DIAPH1: variants seen among roughly 807,000 people sequenced by gnomAD.
DIAPH1 encodes protein diaphanous homolog 1.
In DIAPH1, 46 loss-of-function variants were observed where a neutral mutation model predicts 140.7. The ratio of observed to expected loss-of-function variants is 0.33; its 90% CI spans 0.26 to 0.42. The LOEUF is 0.42. Among genes scored for constraint, DIAPH1 ranks in the 10% least tolerant of loss-of-function variants. The pLI, the probability that DIAPH1 is intolerant of heterozygous loss-of-function variation, is 1.00. For missense variants in DIAPH1, 1,310 were observed against 1,558.7 expected (o/e 0.84, Z 2.69); for synonymous variants, 565 against 551.6 (o/e 1.02, Z -0.34).
At chr5:141,559,765 G>A (rs1475940793) in intron 18 of DIAPH1, among the ~76,000 whole-genome samples, 1 of 152,174 alleles carries the variant, frequency 6.6e-6, no homozygotes, top group Non-Finnish European at 1.5e-5. Flanking sequence ...AAGGACTCAG[G>A]TATGTCAGCA....
chr5:141,571,779 C>CT, intron 17 of DIAPH1, 147 bp downstream of exon 17: 1 of 749,738 alleles, frequency 1.3e-6, no homozygotes, highest in Non-Finnish European at 2.4e-6. Context: ...AACATCTTTT[C>CT]TTTCTTTTGA....
intron 18 of DIAPH1, among the ~76,000 whole-genome samples, chr5:141,539,320 T>A (rs959085703): frequency 6.6e-6 from 1 of 151,366 alleles, no homozygotes; most frequent in Non-Finnish European, 1.5e-5. Flanking sequence ...CTTGGAAGAG[T>A]TTGCAAAGAA....
intron 18 of DIAPH1, among the ~76,000 whole-genome samples, chr5:141,559,170 A>G (rs2099893132): frequency 1.5e-5 from 2 of 132,976 alleles, no homozygotes; most frequent in Non-Finnish European, 3.5e-5. Flanking sequence ...GAGGGTCTTA[A>G]TGTTAATATA....
intron 1 of DIAPH1, among the ~76,000 whole-genome samples, chr5:141,603,594 T>C (rs749913934): frequency 1.1e-4 from 16 of 152,206 alleles, no homozygotes; most frequent in Non-Finnish European, 1.6e-4. Flanking sequence ...AGAACAGTAG[T>C]AACTGTAGTC....
rs1562321263 is a variant in DIAPH1, at chr5:141,574,041, C to T, written c.1809G>A (p.Gly603=). The part of the protein sequence containing the change: ...GTIIPPPPAP[G]DSTTPPPPPP... ...GAGGAGGAGGAGGAGTGGTACTATC[C>T]CCAGGAGCAGGTGGTGGTGGAATAA... The change falls in exon 16 of 28, where the codon GGG becomes GGA. Residue 603 remains glycine, a synonymous_variant. Coordinates refer to ENST00000389054, the MANE Select transcript of DIAPH1 (RefSeq NM_005219.5). 6.3e-7 allele frequency: 1 copy of T among 1,582,188 alleles called. No homozygotes were observed. Among genetic ancestry groups the T allele is most frequent in the African/African-American group, 1.4e-5 (1 of 73,272 alleles).
At chr5:141,594,065 G>A (rs2099898904) in intron 1 of DIAPH1, among the ~76,000 whole-genome samples, 3 of 152,170 alleles carry the variant, frequency 2.0e-5, no homozygotes, top group African/African-American at 7.2e-5. Context: ...CAAAGTGCTG[G>A]GATTTATAGG....
chr5:141,583,698 C>T (rs751319177), intron 4 of DIAPH1, 83 bp from the exon 5 acceptor site: 10 of 1,564,858 alleles, frequency 6.4e-6, no homozygotes, highest in Non-Finnish European at 8.8e-6. Flanking sequence ...AGAGTTTATA[C>T]TTTATTTTTA....
At position 141,526,475 on chromosome 5, in the gene DIAPH1, G is replaced by A. The variant is rs777183651; in HGVS notation, c.3274-14C>T. 1.9e-6 allele frequency: 3 copies of A among 1,614,078 alleles called. No homozygotes were observed. The highest frequency in any genetic ancestry group is 2.5e-6 in the Non-Finnish European group (3 of 1,180,018). ...CTTCACAAAGCTGTGCAGCCAAGGA[G>A]TAAAGGACCAAGACCAAGACCAAGA... On this transcript the variant is annotated splice_polypyrimidine_tract_variant and intron_variant, in intron 24 of 27. Transcript: ENST00000389054.
chr5:141,543,906 C>T (rs1354427525), intron 18 of DIAPH1, among the ~76,000 whole-genome samples: 1 of 152,092 alleles, frequency 6.6e-6, no homozygotes, highest in Non-Finnish European at 1.5e-5. Flanking sequence ...ATCTATACAA[C>T]GGACCATAGA....
chr5:141,614,528 T>A (rs1319778466), intron 1 of DIAPH1, among the ~76,000 whole-genome samples: 1 of 152,194 alleles, frequency 6.6e-6, no homozygotes, highest in Non-Finnish European at 1.5e-5. Context: ...AAACATAATT[T>A]ACGGGTCATA....
rs553308927 is a variant in DIAPH1, at chr5:141,601,366, G to A, written c.118-13116C>T. ...ACGTGCGGTGTGATCTTGGCTCACT[G>A]CAACCTCCGCCTTCTAGGTTCAAGT... On this transcript the variant is annotated intron_variant, in intron 1 of 27. Coordinates refer to ENST00000389054, the MANE Select transcript of DIAPH1 (RefSeq NM_005219.5). 4.1e-3 allele frequency among the ~76,000 whole-genome samples: 621 copies of A among 151,550 alleles called. 10 individuals carry two copies. Among genetic ancestry groups the A allele is most frequent in the Middle Eastern group, 6.9e-3 (2 of 290 alleles).
At chr5:141,529,368 C>T in intron 20 of DIAPH1, 95 bp from the exon 21 acceptor site, 1 of 1,071,742 alleles carries the variant, frequency 9.3e-7, no homozygotes, top group Admixed American at 1.9e-5. Context: ...ACACTCTGCT[C>T]AAGGACCATA....
At chr5:141,583,104 G>T in intron 6 of DIAPH1, 102 bp downstream of exon 6, 2 of 1,020,584 alleles carry the variant, frequency 2.0e-6, no homozygotes, top group Non-Finnish European at 3.1e-6. Context: ...CATTCCCCTA[G>T]CCCACAACTT....
At chr5:141,550,157 G>GT (rs1650274263) in intron 18 of DIAPH1, among the ~76,000 whole-genome samples, 1 of 151,818 alleles carries the variant, frequency 6.6e-6, no homozygotes, top group African/African-American at 2.4e-5. Context: ...AAAAAAAAAA[G>GT]TTTAGTTCAT....
intron 4 of DIAPH1, 84 bp from the exon 5 acceptor site, chr5:141,583,699 T>G: frequency 1.3e-6 from 2 of 1,553,902 alleles, no homozygotes; most frequent in South Asian, 1.1e-5. Context: ...GAGTTTATAC[T>G]TTATTTTTAT....
intron 15 of DIAPH1, 28 bp downstream of exon 15, chr5:141,574,939 C>A: frequency 6.2e-7 from 1 of 1,613,744 alleles, no homozygotes; most frequent in South Asian, 1.1e-5. Flanking sequence ...GGTTACAGGT[C>A]ATTCTGCCTT....
At chr5:141,533,567 C>G (rs938929180) in intron 19 of DIAPH1, among the ~76,000 whole-genome samples, 6 of 152,152 alleles carry the variant, frequency 3.9e-5, no homozygotes, top group African/African-American at 1.2e-4. Flanking sequence ...AAAGTGAAAG[C>G]TGGGCATGGT....
chr5:141,612,178 T>C (rs770639674), intron 1 of DIAPH1, among the ~76,000 whole-genome samples: 4 of 152,228 alleles, frequency 2.6e-5, no homozygotes, highest in Admixed American at 1.3e-4. Context: ...GACAGGAAAT[T>C]GGAACTTTTA....
chr5:141,553,059 C>T (rs368110555), intron 18 of DIAPH1, among the ~76,000 whole-genome samples: 97 of 152,060 alleles, frequency 6.4e-4, no homozygotes, highest in Non-Finnish European at 1.2e-3. Flanking sequence ...GAGGCTGACG[C>T]GGGCCTATCA....
Sources: allele counts gnomAD v4.1 joint callset (sites outside exome capture counted in the v4.1 genomes callset), GRCh38; gene constraint gnomAD v4.1.1; transcripts MANE v1.5; gene names NCBI Gene and HGNC (gene_info 2026-07-23, HGNC 2026-07-21).